The following ELFN2 variants were observed in gnomAD, a reference collection of about 807,000 sequenced individuals.
The protein encoded by ELFN2 is protein phosphatase 1 regulatory subunit 29.
ELFN2 carries 17 observed loss-of-function variants against 45.5 expected under a neutral mutation model. The observed-to-expected ratio is 0.37, with a 90% confidence interval of 0.26 to 0.56. The LOEUF (loss-of-function observed/expected upper bound fraction) is 0.56, where lower values mean the gene tolerates loss of function less well. ELFN2 is among the 20% of genes least tolerant of loss of function. The pLI is 0.77. For missense variants in ELFN2, 922 were observed against 1,183.2 expected, an observed-to-expected ratio of 0.78 and a Z score of 3.24; for synonymous variants, 550 against 551.5, an observed-to-expected ratio of 1.00 and a Z score of 0.04.
intron 2 of ELFN2, among the ~76,000 whole-genome samples, chr22:37,377,782 G>C (rs1931624044): frequency 6.6e-6 from 1 of 152,256 alleles, no homozygotes; most frequent in Non-Finnish European, 1.5e-5. Context: ...CAGGCAGGAA[G>C]GGGTGCCCAG....
intron 2 of ELFN2, among the ~76,000 whole-genome samples, chr22:37,406,592 C>T (rs1291888180): frequency 2.6e-5 from 4 of 152,204 alleles, no homozygotes; most frequent in African/African-American, 7.2e-5. Context: ...CCCCTCCCGT[C>T]CCCCGCTCTG....
intron 2 of ELFN2, among the ~76,000 whole-genome samples, chr22:37,386,488 C>G (rs900931127): frequency 6.6e-6 from 1 of 152,218 alleles, no homozygotes; most frequent in Non-Finnish European, 1.5e-5. Flanking sequence ...GAACCTCTAA[C>G]CAGGCGATCG....
intron 2 of ELFN2, among the ~76,000 whole-genome samples, chr22:37,379,213 G>T: frequency 6.6e-6 from 1 of 152,194 alleles, no homozygotes; most frequent in Non-Finnish European, 1.5e-5. Context: ...ATAGATGGGG[G>T]GCGCAGGGGA....
At chr22:37,403,318 A>G (rs561563476) in intron 2 of ELFN2, among the ~76,000 whole-genome samples, 5 of 151,428 alleles carry the variant, frequency 3.3e-5, no homozygotes, top group African/African-American at 1.2e-4. Context: ...CATCCCTACC[A>G]CCACCTTCCC....
rs1369229461 is a variant in ELFN2 at position 37,373,483 on chromosome 22, G to A, written c.2052C>T (p.Ser684=). 15 of 1,542,952 alleles carry A rather than the reference G, an allele frequency of 9.7e-6. No homozygotes were observed. The highest frequency in any genetic ancestry group is 2.0e-5 in the Admixed American group (1 of 50,644). Residue 684 remains serine (S), a synonymous_variant, in exon 3 of 3, where the codon AGC becomes AGT. Coordinates refer to ENST00000402918, the MANE Select transcript of ELFN2 (RefSeq NM_052906.5). ...CCCCGCCCCCGCCGCTGCCCCCGCC[G>A]CTGCCCGCCGGCACCAGCGGGAGCC... ...LDRLPLVPAG[S]GGGSGGGGGI... is the part of the protein sequence containing the mutation.
chr22:37,373,700 T>C lies in ELFN2; in HGVS notation c.1835A>G (p.His612Arg), dbSNP rs2145634674. The part of the protein sequence containing the change: ...LSPPYKESSH[H>R]PLQRQLSADA... ...GGCGCTCAGCTGGCGCTGTAGTGGG[T>C]GGTGGGAGCTCTCCTTGTAGGGAGG... Residue 612 changes from histidine to arginine, a missense_variant, in exon 3 of 3, where the codon CAC (histidine) becomes CGC (arginine). His to Arg is a conservative substitution (Grantham distance 29). Coordinates refer to ENST00000402918, the MANE Select transcript of ELFN2 (RefSeq NM_052906.5). 1.3e-6 allele frequency: 2 copies of C among 1,556,306 alleles called. No individual in the cohort carries two copies. The highest frequency in any genetic ancestry group is 4.1e-5 in the Admixed American group (2 of 49,070).
intron 1 of ELFN2, among the ~76,000 whole-genome samples, chr22:37,343,781 T>C (rs1416953019): frequency 7.1e-6 from 1 of 140,116 alleles, no homozygotes; most frequent in Admixed American, 7.4e-5. Flanking sequence ...CAGCCCTATC[T>C]AGCCCCTCCA....
intron 2 of ELFN2, among the ~76,000 whole-genome samples, chr22:37,376,880 GGA>G (rs1931598615): frequency 6.6e-6 from 1 of 152,200 alleles, no homozygotes; most frequent in Non-Finnish European, 1.5e-5. Flanking sequence ...TTCCATGGCT[GGA>G]GAGTCAGAGG....
At chr22:37,395,672 G>A (rs887294828) in intron 2 of ELFN2, among the ~76,000 whole-genome samples, 5 of 152,174 alleles carry the variant, frequency 3.3e-5, no homozygotes, top group Non-Finnish European at 5.9e-5. Context: ...GGCAGGGGAT[G>A]TGGACAAGAC....
At chr22:37,393,351 CTGGGCCTGGGCTTTGCAGTCAG>C (rs1164564289) in intron 2 of ELFN2, among the ~76,000 whole-genome samples, 3 of 152,248 alleles carry the variant, frequency 2.0e-5, no homozygotes, top group Non-Finnish European at 4.4e-5. Flanking sequence ...GCACCTGGGC[CTGGGCCTGGGCTTTGCAGTCAG>C]TGGGCCTCAG....
At chr22:37,400,828 G>A (rs148178583) in intron 2 of ELFN2, among the ~76,000 whole-genome samples, 68 of 152,378 alleles carry the variant, frequency 4.5e-4, no homozygotes, top group African/African-American at 1.3e-3. Context: ...GAGATCAAAC[G>A]AGGGCATTAG....
Position 37,374,689 on chromosome 22 carries a change from C to A in ELFN2, c.846G>T (p.Ser282=), listed in dbSNP as rs147268220. 3 of 1,611,688 alleles carry A rather than the reference C, an allele frequency of 1.9e-6. No homozygotes were observed. The highest frequency in any genetic ancestry group is 2.5e-6 in the Non-Finnish European group (3 of 1,178,070). ...TGGTGGACGAGGCCGGCGGCTCCAC[C>A]GAAAGGATCTCGTCGGGGTTGAAGC... ...NSGFNPDEIL[S]VEPPASSTTD... Residue 282 remains serine, a synonymous_variant, in exon 3 of 3, where the codon TCG becomes TCT. Transcript: ENST00000402918.
intron 2 of ELFN2, chr22:37,341,023 A>C (rs542499324): frequency 6.6e-6 from 1 of 152,202 alleles, no homozygotes; most frequent in Non-Finnish European, 1.5e-5. Flanking sequence ...GGACTGAGAG[A>C]GATAGAGAGA....
intron 2 of ELFN2, among the ~76,000 whole-genome samples, chr22:37,392,489 T>G (rs967563032): frequency 1.3e-5 from 2 of 152,006 alleles, no homozygotes; most frequent in Non-Finnish European, 2.9e-5. Context: ...AGCTAATTTT[T>G]GTGTATTTTT....
intron 1 of ELFN2, chr22:37,418,933 T>A (rs1303072976): frequency 6.6e-6 from 1 of 152,158 alleles, no homozygotes; most frequent in African/African-American, 2.4e-5. Context: ...CTCGTCTCCA[T>A]CTGCGCAAAC....
chr22:37,387,026 G>A (rs1931965004), intron 2 of ELFN2, among the ~76,000 whole-genome samples: 1 of 152,256 alleles, frequency 6.6e-6, no homozygotes, highest in Non-Finnish European at 1.5e-5. Flanking sequence ...GCCTCCTGCA[G>A]GTATCGCTGT....
At chr22:37,357,573 A>T (rs1180709538) in intron 1 of ELFN2, among the ~76,000 whole-genome samples, 1 of 152,214 alleles carries the variant, frequency 6.6e-6, no homozygotes, top group Non-Finnish European at 1.5e-5. Context: ...CATCTGTAGC[A>T]GTGCTTGGCT....
At chr22:37,379,159 C>T (rs1334481225) in intron 2 of ELFN2, among the ~76,000 whole-genome samples, 2 of 152,314 alleles carry the variant, frequency 1.3e-5, no homozygotes, top group South Asian at 2.1e-4. Context: ...AAGGAGAAAG[C>T]GCGTCTGAGA....
At chr22:37,405,781 A>T (rs561948826) in intron 2 of ELFN2, among the ~76,000 whole-genome samples, 217 of 150,668 alleles carry the variant, frequency 1.4e-3, no homozygotes, top group Non-Finnish European at 2.1e-3. Flanking sequence ...GACCTTGGAC[A>T]AGTCATCTCA....
Sources: allele counts gnomAD v4.1 joint callset (sites outside exome capture counted in the v4.1 genomes callset), GRCh38; gene constraint gnomAD v4.1.1; transcripts MANE v1.5; gene names NCBI Gene and HGNC (gene_info 2026-07-23, HGNC 2026-07-21).